Variants in CDC42BPA observed in about 807,000 individuals in gnomAD.
CDC42BPA encodes CDC42 binding protein kinase alpha.
CDC42BPA carries 80 observed loss-of-function variants against 223.5 expected under a neutral mutation model. The ratio of observed to expected loss-of-function variants is 0.36; its 90% CI spans 0.30 to 0.43. The LOEUF (loss-of-function observed/expected upper bound fraction) is 0.43. Among genes scored for constraint, CDC42BPA ranks in the 20% least tolerant of loss-of-function variants. The pLI, the probability that CDC42BPA is intolerant of heterozygous loss-of-function variation, is 1.00. For synonymous variants in CDC42BPA, 694 were observed against 718.6 expected (o/e 0.97, Z 0.55); for missense variants, 1,743 against 2,099.9 (o/e 0.83, Z 3.32).
intron 1 of CDC42BPA, among the ~76,000 whole-genome samples, chr1:227,262,975 G>A (rs1684347092): frequency 6.6e-6 from 1 of 152,206 alleles, no homozygotes; most frequent in African/African-American, 2.4e-5. Context: ...GCTCATGCCT[G>A]TAATCCTAGC....
At chr1:227,209,775 A>T (rs1485040301) in intron 3 of CDC42BPA, among the ~76,000 whole-genome samples, 2 of 149,102 alleles carry the variant, frequency 1.3e-5, no homozygotes, top group African/African-American at 2.5e-5. Context: ...TTTATTGAGG[A>T]TTTTTGCATC....
intron 3 of CDC42BPA, among the ~76,000 whole-genome samples, chr1:227,206,847 C>A (rs4653805): frequency 0.69 from 104,462 of 151,948 alleles, 36,102 homozygotes; most frequent in South Asian, 0.73. Context: ...ATTCTTTTAA[C>A]ATATTGCTAA....
chr1:227,263,576 G>GA (rs1309153229), intron 1 of CDC42BPA, among the ~76,000 whole-genome samples: 2 of 145,060 alleles, frequency 1.4e-5, no homozygotes, highest in Non-Finnish European at 3.0e-5. Flanking sequence ...ATTACCTTGA[G>GA]AATCAATTTT....
chr1:227,313,756 TA>T (rs35492715), intron 1 of CDC42BPA, among the ~76,000 whole-genome samples: 46,662 of 151,064 alleles, frequency 0.31, 7,364 homozygotes, highest in East Asian at 0.37. Context: ...ACTCGTGTCA[TA>T]AAAAAAAAGT....
intron 23 of CDC42BPA, among the ~76,000 whole-genome samples, chr1:227,043,554 T>C (rs1275366064): frequency 6.6e-6 from 1 of 152,120 alleles, no homozygotes; most frequent in Admixed American, 6.5e-5. Flanking sequence ...GGGAGAAATA[T>C]TAGGTGCAAC....
Position 227,028,847 on chromosome 1 carries a change from G to A in CDC42BPA, c.4242C>T (p.Tyr1414=), listed in dbSNP as rs915917264. The A allele has an allele frequency of 8.1e-6, 13 of 1,613,760 alleles. No homozygotes were observed. Among genetic ancestry groups the A allele is most frequent in the African/African-American group, 1.3e-5 (1 of 74,936 alleles). ...RYPLNGEGNP[Y]SMLHSNDHTL... is the part of the protein sequence containing the mutation. ...TATGGTCATTTGAATGGAGCATACT[G>A]TATGGATTTCCTTCTCCATTCAAGG... The change falls in exon 30 of 37, where the codon TAC becomes TAT. Residue 1414 remains tyrosine, a synonymous_variant. Coordinates refer to ENST00000366766, the MANE Select transcript of CDC42BPA (RefSeq NM_001394014.1).
intron 34 of CDC42BPA, among the ~76,000 whole-genome samples, chr1:227,014,138 G>A (rs1444375124): frequency 1.3e-5 from 2 of 151,736 alleles, no homozygotes; most frequent in Non-Finnish European, 2.9e-5. Flanking sequence ...AATGGGAAAA[G>A]GATGGAGAGA....
chr1:227,142,332 T>A (rs1168374811), intron 9 of CDC42BPA, among the ~76,000 whole-genome samples: 1 of 152,154 alleles, frequency 6.6e-6, no homozygotes, highest in East Asian at 1.9e-4. Flanking sequence ...GTAGAATTAA[T>A]GGGTTGAAAG....
At chr1:227,253,627 C>A (rs1010749710) in intron 2 of CDC42BPA, among the ~76,000 whole-genome samples, 7 of 150,550 alleles carry the variant, frequency 4.6e-5, no homozygotes, top group Non-Finnish European at 8.8e-5. Context: ...TACATACATA[C>A]ATACATACAT....
chr1:227,145,567 T>C lies in CDC42BPA; in HGVS notation c.1065A>G (p.Glu355=). 1 of 1,613,650 alleles carries C rather than the reference T, an allele frequency of 6.2e-7. No homozygotes were observed. The highest frequency in any genetic ancestry group is 8.5e-7 in the Non-Finnish European group (1 of 1,179,624). Residue 355 remains glutamate (E), a synonymous_variant, in exon 8 of 37, where the codon GAA becomes GAG. Transcript: ENST00000366766. ...GIDWDNIRNC[E]APYIPEVSSP... ...TACTAACTTCTGGAATATAAGGTGC[T>C]TCACAGTTCCGAATATTATCCCAAT...
At chr1:227,260,737 C>T (rs532386306) in intron 1 of CDC42BPA, among the ~76,000 whole-genome samples, 1 of 151,150 alleles carries the variant, frequency 6.6e-6, no homozygotes, top group South Asian at 2.1e-4. Flanking sequence ...TCTTTCGTCT[C>T]GAATTTCTCC....
chr1:227,186,994 A>C (rs1668880405), intron 5 of CDC42BPA, among the ~76,000 whole-genome samples: 1 of 152,156 alleles, frequency 6.6e-6, no homozygotes, highest in South Asian at 2.1e-4. Context: ...TTTCCTTAAA[A>C]ACCCACTTGT....
At chr1:227,001,942 G>T (rs912021794) in intron 35 of CDC42BPA, among the ~76,000 whole-genome samples, 1 of 151,404 alleles carries the variant, frequency 6.6e-6, no homozygotes, top group Non-Finnish European at 1.5e-5. Flanking sequence ...AAACAAAAAC[G>T]CAAAACCAAA....
intron 21 of CDC42BPA, among the ~76,000 whole-genome samples, chr1:227,064,531 G>C (rs1676579984): frequency 6.6e-6 from 1 of 152,142 alleles, no homozygotes; most frequent in Non-Finnish European, 1.5e-5. Flanking sequence ...GAAGGGAATA[G>C]ATGGGGGAAA....
chr1:227,097,744 G>A (rs1179995198), intron 15 of CDC42BPA, among the ~76,000 whole-genome samples: 1 of 152,160 alleles, frequency 6.6e-6, no homozygotes, highest in Non-Finnish European at 1.5e-5. Context: ...AACCAGTCAG[G>A]GAAGAATGCC....
At chr1:227,111,525 C>T (rs1328856870) in intron 14 of CDC42BPA, among the ~76,000 whole-genome samples, 1 of 152,110 alleles carries the variant, frequency 6.6e-6, no homozygotes, top group African/African-American at 2.4e-5. Context: ...TTCGCTCTTG[C>T]CCAGGCTGGA....
intron 1 of CDC42BPA, among the ~76,000 whole-genome samples, chr1:227,259,186 G>A (rs932900617): frequency 6.6e-6 from 1 of 150,854 alleles, no homozygotes; most frequent in African/African-American, 2.5e-5. Flanking sequence ...GGTGGGCCAA[G>A]TGCATATTGT....
intron 6 of CDC42BPA, among the ~76,000 whole-genome samples, chr1:227,156,318 A>G (rs1168797298): frequency 6.6e-6 from 1 of 151,364 alleles, no homozygotes; most frequent in Non-Finnish European, 1.5e-5. Flanking sequence ...ATGCCTAACT[A>G]ATTTTTTATA....
rs386417862 is a variant in CDC42BPA, at chr1:227,261,124, C to CTTTCTTTTTTTTTTTTTTTTTTTT, written c.179-6970_179-6969insAAAAAAAAAAAAAAAAAAAAGAAA. The stretch of plus-strand genomic sequence containing the variant: ...TTTTTAACAGAATAATTGAGTTTTT[C>CTTTCTTTTTTTTTTTTTTTTTTTT]TTTTTTTTTGAGACAGAGTCTCGCT... On this transcript the variant is annotated intron_variant, in intron 1 of 36. Transcript: ENST00000366766. 1.7e-3 allele frequency among the ~76,000 whole-genome samples: 203 copies of CTTTCTTTTTTTTTTTTTTTTTTTT among 120,974 alleles called. 4 individuals carry two copies. Among genetic ancestry groups the CTTTCTTTTTTTTTTTTTTTTTTTT allele is most frequent in the East Asian group, 9.7e-3 (38 of 3,920 alleles). 79.4% of individuals were successfully genotyped at this position (120,974 alleles called of 152,430 possible).
Sources: gnomAD v4.1 joint callset for allele counts (sites outside exome capture counted in the v4.1 genomes callset) on GRCh38, gnomAD v4.1.1 for gene constraint, MANE v1.5 for transcripts, NCBI Gene and HGNC (gene_info 2026-07-23, HGNC 2026-07-21) for gene names.